Variants in PPARGC1A observed in about 807,000 individuals in gnomAD.
The protein encoded by PPARGC1A is PPARG coactivator 1 alpha, also known as peroxisome proliferator-activated receptor gamma coactivator 1-alpha.
Under a neutral mutation model 88.7 loss-of-function variants are expected in PPARGC1A, and 25 were observed. The ratio of observed to expected loss-of-function variants is 0.28; its 90% CI spans 0.21 to 0.39. The LOEUF (loss-of-function observed/expected upper bound fraction) is 0.39, where lower values mean the gene tolerates loss of function less well. Ranked by LOEUF, PPARGC1A falls within the 10% of genes least tolerant of loss-of-function variation. The pLI is 1.00. For missense variants in PPARGC1A, 880 were observed against 968.7 expected, an observed-to-expected ratio of 0.91 and a Z score of 1.22; for synonymous variants, 363 against 355.6, an observed-to-expected ratio of 1.02 and a Z score of -0.24.
chr4:24,242,224 T>C, the PPARGC1A span, among the ~76,000 whole-genome samples: 1 of 152,130 alleles, frequency 6.6e-6, no homozygotes, highest in Non-Finnish European at 1.5e-5. Flanking sequence ...CTTTTCCCAC[T>C]CAAGGCTCCC....
upstream of PPARGC1A, among the ~76,000 whole-genome samples, chr4:23,899,799 C>T (rs10030083): frequency 5.3e-5 from 8 of 152,002 alleles, no homozygotes; most frequent in Non-Finnish European, 7.4e-5. Context: ...CACAGTCAAC[C>T]GGGAGGAAGG....
At chr4:23,921,051 C>A in the PPARGC1A span, among the ~76,000 whole-genome samples, 1 of 152,132 alleles carries the variant, frequency 6.6e-6, no homozygotes, top group African/African-American at 2.4e-5. Flanking sequence ...TGCCACCCCC[C>A]ACCCACTCCT....
intron 8 of PPARGC1A, 142 bp from the exon 9 acceptor site, chr4:23,813,267 C>T: frequency 1.4e-6 from 1 of 720,452 alleles, no homozygotes; most frequent in Non-Finnish European, 2.4e-6. Flanking sequence ...TTCCCAGTGA[C>T]AGTTTGTGAT....
In PPARGC1A at chr4:23,889,975, C is replaced by A. The variant is rs759947287; in HGVS notation, c.-18G>T. 1 of 1,613,574 alleles carries A rather than the reference C, an allele frequency of 6.2e-7. No homozygotes were observed. The highest frequency in any genetic ancestry group is 1.7e-5 in the Admixed American group (1 of 60,006). On this transcript the variant is annotated 5_prime_UTR_variant, in exon 1 of 13. Coordinates refer to ENST00000264867, the MANE Select transcript of PPARGC1A (RefSeq NM_013261.5). ...CACGCCATCCAGCTCCTGAATGACG[C>A]CAGTCAAGCTTTTTCAACTCCAATC...
the PPARGC1A span, among the ~76,000 whole-genome samples, chr4:23,999,267 C>G: frequency 6.6e-6 from 1 of 152,190 alleles, no homozygotes; most frequent in Non-Finnish European, 1.5e-5. Flanking sequence ...CTGTTTGCTA[C>G]CAGTATCTAA....
the PPARGC1A span, among the ~76,000 whole-genome samples, chr4:24,041,465 G>T: frequency 2.0e-5 from 3 of 149,566 alleles, no homozygotes; most frequent in African/African-American, 7.3e-5. Flanking sequence ...AGCCCTAGGG[G>T]AGTCATCACC....
chr4:24,300,578 A>G, the PPARGC1A span, among the ~76,000 whole-genome samples: 1 of 151,940 alleles, frequency 6.6e-6, no homozygotes, highest in African/African-American at 2.4e-5. Context: ...ATTAAATTGT[A>G]ATTAAATTGG....
the PPARGC1A span, among the ~76,000 whole-genome samples, chr4:24,002,419 C>T: frequency 2.0e-5 from 3 of 152,218 alleles, no homozygotes; most frequent in East Asian, 3.9e-4. Context: ...AGCCACTGCA[C>T]CCAGCCACAC....
chr4:23,970,670 T>C, the PPARGC1A span, among the ~76,000 whole-genome samples: 1 of 152,172 alleles, frequency 6.6e-6, no homozygotes, highest in Non-Finnish European at 1.5e-5. Flanking sequence ...TTGATCAATT[T>C]ATTCTGGTGA....
chr4:24,115,358 A>G, the PPARGC1A span, among the ~76,000 whole-genome samples: 5 of 152,176 alleles, frequency 3.3e-5, no homozygotes, highest in African/African-American at 1.2e-4. Flanking sequence ...GGGATGGTAC[A>G]ATATTTAAAT....
chr4:23,941,150 C>T, the PPARGC1A span, among the ~76,000 whole-genome samples: 4 of 152,182 alleles, frequency 2.6e-5, no homozygotes, highest in African/African-American at 7.2e-5. Context: ...TCCCCTCTCT[C>T]AAGCCATCCT....
chr4:24,175,943 A>C, the PPARGC1A span, among the ~76,000 whole-genome samples: 1 of 152,054 alleles, frequency 6.6e-6, no homozygotes, highest in Non-Finnish European at 1.5e-5. Flanking sequence ...AGCCCTGAGC[A>C]CAGAGTCAAC....
chr4:23,954,914 T>C, the PPARGC1A span, among the ~76,000 whole-genome samples: 5 of 152,034 alleles, frequency 3.3e-5, no homozygotes, highest in African/African-American at 1.2e-4. Context: ...CACGTAAATC[T>C]CCTGTTTTAC....
At chr4:24,242,619 T>C in the PPARGC1A span, among the ~76,000 whole-genome samples, 7 of 152,182 alleles carry the variant, frequency 4.6e-5, no homozygotes, top group East Asian at 1.9e-4. Flanking sequence ...ATCTGTCCCA[T>C]AGCCAACCAT....
At chr4:24,067,583 G>A in the PPARGC1A span, among the ~76,000 whole-genome samples, 1 of 152,182 alleles carries the variant, frequency 6.6e-6, no homozygotes, top group Non-Finnish European at 1.5e-5. Context: ...AGCATCGCAC[G>A]TGGCCAAGGA....
the PPARGC1A span, among the ~76,000 whole-genome samples, chr4:23,920,363 T>A: frequency 3.9e-5 from 6 of 152,076 alleles, no homozygotes; most frequent in African/African-American, 9.7e-5. Context: ...ATCTAATTTT[T>A]AAAAAAATGA....
chr4:24,260,055 G>A, the PPARGC1A span, among the ~76,000 whole-genome samples: 1 of 152,146 alleles, frequency 6.6e-6, no homozygotes, highest in Non-Finnish European at 1.5e-5. Context: ...AGCTTAAGAA[G>A]CTAATTTCCG....
chr4:24,054,118 T>A, the PPARGC1A span, among the ~76,000 whole-genome samples: 31 of 152,108 alleles, frequency 2.0e-4, no homozygotes, highest in Non-Finnish European at 4.4e-5. Flanking sequence ...AAATCTCTAA[T>A]GGAAAAAGGA....
chr4:24,173,337 C>A, the PPARGC1A span, among the ~76,000 whole-genome samples: 1 of 32,732 alleles, frequency 3.1e-5, no homozygotes, highest in Admixed American at 4.3e-4. Flanking sequence ...CCTTTCCCCA[C>A]CAAAAAAAAA....
Sources: gnomAD v4.1 joint callset for allele counts (sites outside exome capture counted in the v4.1 genomes callset) on GRCh38, gnomAD v4.1.1 for gene constraint, MANE v1.5 for transcripts, NCBI Gene and HGNC (gene_info 2026-07-23, HGNC 2026-07-21) for gene names.